Variants in ASIC2 observed in about 807,000 individuals in gnomAD.
ASIC2 encodes the protein acid sensing ion channel subunit 2, also known as acid-sensing ion channel 2.
Under a neutral mutation model 57.3 loss-of-function variants are expected in ASIC2, and 25 were observed. The observed-to-expected ratio is 0.44, with a 90% CI of 0.32 to 0.61. ASIC2 has a LOEUF of 0.61. ASIC2 is among the 20% of genes least tolerant of loss of function. The pLI, the probability that ASIC2 is intolerant of heterozygous loss-of-function variation, is 0.06. For synonymous variants in ASIC2, 319 were observed against 307.5 expected (o/e 1.04, Z -0.39); for missense variants, 641 against 738.1 (o/e 0.87, Z 1.52).
intron 1 of ASIC2, among the ~76,000 whole-genome samples, chr17:34,130,924 G>A (rs938999076): frequency 1.3e-5 from 2 of 152,228 alleles, no homozygotes; most frequent in African/African-American, 4.8e-5. Context: ...AATGGACAGA[G>A]AACAAGTATT....
intron 3 of ASIC2, among the ~76,000 whole-genome samples, chr17:33,087,455 C>T (rs1407384273): frequency 1.3e-5 from 2 of 152,098 alleles, no homozygotes; most frequent in Non-Finnish European, 2.9e-5. Flanking sequence ...TGAAGGTTGA[C>T]CTTGGACTTC....
intron 1 of ASIC2, among the ~76,000 whole-genome samples, chr17:33,509,884 G>A (rs1376962926): frequency 6.6e-6 from 1 of 152,216 alleles, no homozygotes; most frequent in East Asian, 1.9e-4. Context: ...CAATAGGGGA[G>A]AAAGCACATC....
intron 1 of ASIC2, among the ~76,000 whole-genome samples, chr17:33,817,804 C>T (rs891359249): frequency 3.3e-5 from 5 of 152,280 alleles, no homozygotes; most frequent in African/African-American, 9.6e-5. Context: ...CATTTTTGCT[C>T]TAGTCAGCAT....
intron 1 of ASIC2, among the ~76,000 whole-genome samples, chr17:33,923,486 A>G (rs1443090705): frequency 1.3e-5 from 2 of 152,236 alleles, no homozygotes; most frequent in Non-Finnish European, 2.9e-5. Flanking sequence ...CACAAGGAAG[A>G]AACAGGTTAC....
At chr17:33,123,064 T>C (rs938452892) in intron 1 of ASIC2, among the ~76,000 whole-genome samples, 1 of 152,216 alleles carries the variant, frequency 6.6e-6, no homozygotes, top group African/African-American at 2.4e-5. Flanking sequence ...AGTACACTCA[T>C]TTCAGAAAAC....
intron 1 of ASIC2, among the ~76,000 whole-genome samples, chr17:33,579,398 C>G (rs1916798555): frequency 6.6e-6 from 1 of 151,588 alleles, no homozygotes; most frequent in African/African-American, 2.4e-5. Context: ...CCTCATTATT[C>G]TGGAGGGGAA....
chr17:33,368,444 G>A (rs937474892), intron 1 of ASIC2, among the ~76,000 whole-genome samples: 5 of 152,208 alleles, frequency 3.3e-5, no homozygotes, highest in Non-Finnish European at 7.3e-5. Context: ...AGACTTCAGG[G>A]ATCAGAGAAC....
intron 1 of ASIC2, among the ~76,000 whole-genome samples, chr17:33,690,854 A>G (rs896602391): frequency 7.1e-6 from 1 of 140,244 alleles, no homozygotes; most frequent in Non-Finnish European, 1.5e-5. Context: ...GATTCACGCC[A>G]TTCTCCTGCC....
intron 1 of ASIC2, among the ~76,000 whole-genome samples, chr17:33,414,112 C>G (rs1298172554): frequency 1.3e-5 from 2 of 152,086 alleles, no homozygotes; most frequent in African/African-American, 4.8e-5. Context: ...TTGTCCCACC[C>G]CTGCGAGGCT....
chr17:33,037,329 T>A (rs1025573859), intron 3 of ASIC2, among the ~76,000 whole-genome samples: 2 of 151,622 alleles, frequency 1.3e-5, no homozygotes, highest in Non-Finnish European at 2.9e-5. Context: ...GGACAATGAA[T>A]GTAGCTGGTG....
At chr17:33,039,520 C>T (rs2091922167) in intron 3 of ASIC2, among the ~76,000 whole-genome samples, 1 of 152,184 alleles carries the variant, frequency 6.6e-6, no homozygotes, top group Admixed American at 6.5e-5. Context: ...CTGACCTTTC[C>T]TTCTGCATGA....
intron 1 of ASIC2, among the ~76,000 whole-genome samples, chr17:33,583,791 G>T (rs1408435754): frequency 1.3e-5 from 2 of 152,178 alleles, no homozygotes; most frequent in African/African-American, 4.8e-5. Context: ...CCAGGTAAAT[G>T]ATGCTCAGCT....
chr17:33,871,690 A>G (rs1914414128), intron 1 of ASIC2, among the ~76,000 whole-genome samples: 1 of 152,108 alleles, frequency 6.6e-6, no homozygotes, highest in South Asian at 2.1e-4. Flanking sequence ...GAGTCCTCAG[A>G]AGGGGACTTT....
chr17:33,840,877 T>A (rs1913416899), intron 1 of ASIC2, among the ~76,000 whole-genome samples: 1 of 150,608 alleles, frequency 6.6e-6, no homozygotes, highest in Admixed American at 6.6e-5. Context: ...TGGCTTCTTT[T>A]GAGGGCACAT....
intron 1 of ASIC2, chr17:34,002,640 T>C (rs1156821047): frequency 6.6e-6 from 1 of 152,368 alleles, no homozygotes; most frequent in African/African-American, 2.4e-5. Context: ...ATCTTCATTT[T>C]GTTTCCTCAG....
intron 1 of ASIC2, among the ~76,000 whole-genome samples, chr17:34,131,469 T>C (rs1911956438): frequency 6.6e-6 from 1 of 152,150 alleles, no homozygotes; most frequent in Non-Finnish European, 1.5e-5. Context: ...GACCTATAAA[T>C]AGCCACATAA....
chr17:33,212,986 G>GC (rs1555582041), intron 1 of ASIC2, among the ~76,000 whole-genome samples: 1 of 152,148 alleles, frequency 6.6e-6, no homozygotes, highest in Non-Finnish European at 1.5e-5. Flanking sequence ...CTCAGATCCC[G>GC]CCCCCAGATT....
At chr17:34,110,244 G>C (rs1014567815) in intron 1 of ASIC2, among the ~76,000 whole-genome samples, 1 of 152,156 alleles carries the variant, frequency 6.6e-6, no homozygotes, top group Non-Finnish European at 1.5e-5. Flanking sequence ...ACAAACGTGG[G>C]CATCAAGTCA....
At chr17:33,133,205 T>C (rs1290930609) in intron 1 of ASIC2, among the ~76,000 whole-genome samples, 1 of 152,084 alleles carries the variant, frequency 6.6e-6, no homozygotes, top group African/African-American at 2.4e-5. Flanking sequence ...AGAAGGAGCA[T>C]TTCAGGACAC....
Sources: allele counts gnomAD v4.1 joint callset (sites outside exome capture counted in the v4.1 genomes callset), GRCh38; gene constraint gnomAD v4.1.1; transcripts MANE v1.5; gene names NCBI Gene and HGNC (gene_info 2026-07-23, HGNC 2026-07-21).